WASHC4: variants seen among roughly 807,000 people sequenced by gnomAD.
WASHC4 encodes WASH complex subunit 4, also known as WASH complex subunit 7.
WASHC4 carries 86 observed loss-of-function variants against 166.6 expected under a neutral mutation model. The observed-to-expected ratio is 0.52, with a 90% CI of 0.43 to 0.62. WASHC4 has a LOEUF of 0.62. WASHC4 is among the 20% of genes least tolerant of loss of function. WASHC4 has a pLI of 0.00. For missense variants in WASHC4, 1,262 were observed against 1,382.4 expected (o/e 0.91, Z 1.38); for synonymous variants, 446 against 451.6 (o/e 0.99, Z 0.16).
At chr12:105,159,262 C>G (rs1011489154) in intron 28 of WASHC4, among the ~76,000 whole-genome samples, 1 of 152,160 alleles carries the variant, frequency 6.6e-6, no homozygotes, top group African/African-American at 2.4e-5. Flanking sequence ...TCTAAGATCT[C>G]TAGGGTAAAG....
At chr12:105,151,487 C>CTT (rs1237697893) in intron 25 of WASHC4, among the ~76,000 whole-genome samples, 2 of 145,650 alleles carry the variant, frequency 1.4e-5, no homozygotes, top group Non-Finnish European at 3.0e-5. Flanking sequence ...TGTATTAACT[C>CTT]TTTTTTTTTT....
chr12:105,163,389 C>G (rs1309360090), intron 30 of WASHC4, among the ~76,000 whole-genome samples: 1 of 152,162 alleles, frequency 6.6e-6, no homozygotes, highest in Non-Finnish European at 1.5e-5. Flanking sequence ...TCCACTTTGG[C>G]CTAATATTTA....
At chr12:105,114,340 T>G (rs770118282) in intron 3 of WASHC4, 22 bp from the exon 4 acceptor site, 1 of 1,598,392 alleles carries the variant, frequency 6.3e-7, no homozygotes, top group Non-Finnish European at 8.5e-7. Context: ...ACTTTTTATT[T>G]TGTTTTTACT....
intron 2 of WASHC4, among the ~76,000 whole-genome samples, chr12:105,113,395 T>G (rs1178368125): frequency 1.3e-5 from 2 of 152,056 alleles, no homozygotes; most frequent in Non-Finnish European, 2.9e-5. Flanking sequence ...CTCTTAGTTT[T>G]TATCTTCCCC....
At chr12:105,144,492 CTTTTTT>C in intron 21 of WASHC4, 37 bp downstream of exon 21, 10 of 1,338,660 alleles carry the variant, frequency 7.5e-6, no homozygotes, top group Admixed American at 4.2e-5. Flanking sequence ...GTCATATTCT[CTTTTTT>C]TTTTTTTTTT....
At chr12:105,115,833 CTG>C in intron 6 of WASHC4, 105 bp downstream of exon 6, 1 of 770,500 alleles carries the variant, frequency 1.3e-6, no homozygotes, top group Non-Finnish European at 2.4e-6. Context: ...GATGTGTACT[CTG>C]AGGATAAGAC....
chr12:105,118,368 T>G, intron 6 of WASHC4, 78 bp from the exon 7 acceptor site: 1 of 1,022,260 alleles, frequency 9.8e-7, no homozygotes, highest in Non-Finnish European at 1.6e-6. Context: ...TTTGTTAGAG[T>G]TGTTACCATA....
chr12:105,154,775 TCAGAG>T (rs2135827135), intron 26 of WASHC4, among the ~76,000 whole-genome samples: 1 of 152,360 alleles, frequency 6.6e-6, no homozygotes, highest in Non-Finnish European at 1.5e-5. Flanking sequence ...TGGCCTGGCT[TCAGAG>T]CTTTTACTCT....
Position 105,126,050 on chromosome 12 carries a change from T to C in WASHC4, c.833T>C (p.Val278Ala), listed in dbSNP as rs1881252027. ...QFDSLNGGVS[V>A]SKNSTFAEEF... ...GATTCTCTCAATGGAGGAGTATCTG[T>C]GTCAAAAAATAGTACTTTTGCTGAG... Residue 278 changes from valine (V) to alanine (A), a missense_variant, in exon 11 of 33, where the codon GTG (valine) becomes GCG (alanine). Coordinates refer to ENST00000332180, the MANE Select transcript of WASHC4 (RefSeq NM_015275.3). The C allele has an allele frequency of 6.2e-7, 1 of 1,612,758 alleles. No homozygotes were observed. Among genetic ancestry groups the C allele is most frequent in the Non-Finnish European group, 8.5e-7 (1 of 1,179,092 alleles).
intron 26 of WASHC4, among the ~76,000 whole-genome samples, chr12:105,153,863 TA>T (rs1883952435): frequency 6.6e-6 from 1 of 152,168 alleles, no homozygotes; most frequent in Admixed American, 6.5e-5. Context: ...TCATAGTCCT[TA>T]AAATGCTAGT....
At chr12:105,143,280 G>T in intron 20 of WASHC4, 37 bp downstream of exon 20, 1 of 1,190,816 alleles carries the variant, frequency 8.4e-7, no homozygotes, top group South Asian at 1.2e-5. Context: ...CTTAAAACAT[G>T]TTTGGAATGT....
rs1882078920 is a variant in WASHC4 at position 105,133,873 on chromosome 12, A to G, written c.1303A>G (p.Asn435Asp). 1 of 1,612,340 alleles carries G rather than the reference A, an allele frequency of 6.2e-7. No homozygotes were observed. Among genetic ancestry groups the G allele is most frequent in the Non-Finnish European group, 8.5e-7 (1 of 1,178,816 alleles). ...GGATAAATTTGCTGAAGATCTCACC[A>G]ATAGATGTAATGTTTTTATACAGGT... is the stretch of plus-strand genomic sequence containing the variant. The part of the protein sequence containing the change: ...RMDKFAEDLT[N>D]RCNVFIQGFL... Residue 435 changes from asparagine to aspartate, a missense_variant, in exon 14 of 33, where the codon AAT becomes GAT. Coordinates refer to ENST00000332180, the MANE Select transcript of WASHC4 (RefSeq NM_015275.3).
At chr12:105,161,731 C>T (rs148975202) in intron 29 of WASHC4, among the ~76,000 whole-genome samples, 4 of 152,268 alleles carry the variant, frequency 2.6e-5, no homozygotes, top group Admixed American at 2.6e-4. Context: ...TGATTAATTG[C>T]TGAATAAGTT....
chr12:105,159,049 G>A (rs868500902), intron 28 of WASHC4, among the ~76,000 whole-genome samples: 11 of 152,194 alleles, frequency 7.2e-5, no homozygotes, highest in African/African-American at 2.7e-4. Flanking sequence ...TAAGCTCTTT[G>A]CCAGATTACA....
rs1884887451 is a variant in WASHC4, at chr12:105,167,809, A to G, written c.*878A>G. ...GGTAGACTTTTTTTTTATATCAAGT[A>G]TAATTTAAAACATCAGATTAAATAA... On this transcript the variant is annotated 3_prime_UTR_variant, in exon 33 of 33. Coordinates refer to ENST00000332180, the MANE Select transcript of WASHC4 (RefSeq NM_015275.3). The G allele has an allele frequency of 6.6e-6, 1 of 152,528 alleles. No homozygotes were observed. Among genetic ancestry groups the G allele is most frequent in the South Asian group, 2.1e-4 (1 of 4,836 alleles). The allele number at this position is 152,528 out of a possible 1,614,324, so 9.4% of individuals were successfully genotyped here.
rs1386361756 is a variant in WASHC4, at chr12:105,168,266, AAGTC to A, written c.*1338_*1341del. On this transcript the variant is annotated 3_prime_UTR_variant, in exon 33 of 33. Coordinates refer to ENST00000332180, the MANE Select transcript of WASHC4 (RefSeq NM_015275.3). ...CCAAGATAAATACTTTAATTGTTAA[AAGTC>A]AGAAGAGACAGAATATGTAGGAAAT... The A allele has an allele frequency of 6.6e-6, 1 of 152,548 alleles. No homozygotes were observed. Among genetic ancestry groups the A allele is most frequent in the African/African-American group, 2.4e-5 (1 of 41,454 alleles). The allele number at this position is 152,548 out of a possible 1,614,324, so 9.4% of individuals were successfully genotyped here. A position where few individuals can be genotyped will look rare whatever the true frequency, so the allele number is the denominator to read the frequency against.
rs1192542288 is a variant in WASHC4 at position 105,167,920 on chromosome 12, A to G, written c.*989A>G. 9 of 152,546 alleles carry G rather than the reference A, an allele frequency of 5.9e-5. No homozygotes were observed. Among genetic ancestry groups the G allele is most frequent in the Non-Finnish European group, 1.3e-4 (9 of 67,976 alleles). The allele number at this position is 152,546 out of a possible 1,614,324, so 9.4% of individuals were successfully genotyped here. A position where few individuals can be genotyped will look rare whatever the true frequency, so the allele number is the denominator to read the frequency against. On this transcript the variant is annotated 3_prime_UTR_variant, in exon 33 of 33. Coordinates refer to ENST00000332180, the MANE Select transcript of WASHC4 (RefSeq NM_015275.3). ...TCACTTACTGATTTTAAAAATACAG[A>G]AAGATTTTGAGTAAATTTTGTGCCC...
chr12:105,108,027 G>A (rs1046943257), intron 1 of WASHC4, among the ~76,000 whole-genome samples, 166 bp downstream of exon 1: 1 of 152,178 alleles, frequency 6.6e-6, no homozygotes, highest in African/African-American at 2.4e-5. Context: ...CGTTACTTTC[G>A]GGGTTGGGGT....
At position 105,144,705 on chromosome 12, in the gene WASHC4, T is replaced by G; in HGVS notation, c.2180-13T>G. 6.2e-7 allele frequency: 1 copy of G among 1,609,278 alleles called. No homozygotes were observed. The highest frequency in any genetic ancestry group is 8.5e-7 in the Non-Finnish European group (1 of 1,177,176). On this transcript the variant is annotated splice_polypyrimidine_tract_variant and intron_variant, in intron 21 of 32. Transcript: ENST00000332180. Reference sequence around the variant, plus strand: ...TCTACTGTTTCACAAGTTGAATTTTTTTTTTTTGGTAGCTTACGTAACTCA... The same window carrying G: ...TCTACTGTTTCACAAGTTGAATTTTGTTTTTTTGGTAGCTTACGTAACTCA...
Sources: allele counts gnomAD v4.1 joint callset (sites outside exome capture counted in the v4.1 genomes callset), GRCh38; gene constraint gnomAD v4.1.1; transcripts MANE v1.5; gene names NCBI Gene and HGNC (gene_info 2026-07-23, HGNC 2026-07-21).